The following GLIS3 variants were observed in gnomAD, a reference collection of about 807,000 sequenced individuals.
GLIS3 encodes the protein zinc finger protein GLIS3.
In GLIS3, 53 loss-of-function variants were observed where a neutral mutation model predicts 78.6. That is an observed-to-expected ratio of 0.67 (90% CI 0.54 to 0.85). GLIS3 has a LOEUF of 0.85. Among genes scored for constraint, GLIS3 ranks in the 40% least tolerant of loss-of-function variants. The pLI is 0.00. For synonymous variants in GLIS3, 684 were observed against 509.9 expected, an observed-to-expected ratio of 1.34 and a Z score of -4.60; for missense variants, 1,703 against 1,231.1, an observed-to-expected ratio of 1.38 and a Z score of -5.74.
chr9:4,344,974 T>C (rs763018124), intron 2 of GLIS3, among the ~76,000 whole-genome samples: 7 of 152,326 alleles, frequency 4.6e-5, no homozygotes, highest in Admixed American at 1.3e-4. Flanking sequence ...CTCATGTGAA[T>C]TATGGCATTA....
intron 2 of GLIS3, among the ~76,000 whole-genome samples, chr9:4,140,487 G>A (rs1360410030): frequency 6.6e-6 from 1 of 152,184 alleles, no homozygotes; most frequent in African/African-American, 2.4e-5. Context: ...ATGCCCAGAA[G>A]CCTCAGACCC....
the GLIS3 span, among the ~76,000 whole-genome samples, chr9:4,438,990 C>A: frequency 3.3e-5 from 5 of 152,034 alleles, no homozygotes; most frequent in African/African-American, 1.2e-4. Context: ...ACTGTTTGAC[C>A]AACTTTTAAG....
intron 6 of GLIS3, among the ~76,000 whole-genome samples, chr9:3,920,609 GTT>G (rs34014322): frequency 7.8e-6 from 1 of 127,814 alleles, no homozygotes. Flanking sequence ...AAAAGAACAG[GTT>G]TTTTTTTTTT....
rs1350101877 is a variant in GLIS3, at chr9:4,202,160, T to TTC, written c.389-76220_389-76219insGA. Among the ~76,000 whole-genome samples the TTC allele has an allele frequency of 2.0e-5, 3 of 147,436 alleles. No homozygotes were observed. In the East Asian group the frequency reaches 5.9e-4, roughly 29 times the overall value. ...TTTTTCTCCCCCTTTTTCTTTTTTTTTTTTTTTTGAGACGGAGTCTTGCTC... is the reference window on the plus strand; with the variant it reads ...TTTTTCTCCCCCTTTTTCTTTTTTTTTCTTTTTTTTGAGACGGAGTCTTGCTC... On this transcript the variant is annotated intron_variant, in intron 2 of 10. Transcript: ENST00000381971.
chr9:4,006,735 C>T (rs558866136), intron 4 of GLIS3, among the ~76,000 whole-genome samples: 40 of 152,306 alleles, frequency 2.6e-4, no homozygotes, highest in African/African-American at 7.5e-4. Context: ...TCCAAGCTGG[C>T]TTGTTCTAAA....
intron 2 of GLIS3, among the ~76,000 whole-genome samples, chr9:4,228,521 C>A (rs745317632): frequency 1.3e-5 from 2 of 152,202 alleles, no homozygotes; most frequent in Non-Finnish European, 2.9e-5. Flanking sequence ...ATTATAAAAT[C>A]TCATGTATTA....
chr9:4,456,798 G>A, the GLIS3 span, among the ~76,000 whole-genome samples: 6 of 152,180 alleles, frequency 3.9e-5, no homozygotes, highest in African/African-American at 1.2e-4. Flanking sequence ...AGGAACAGCT[G>A]ACCAGTTGAG....
At chr9:3,998,776 T>C (rs1820921856) in intron 4 of GLIS3, among the ~76,000 whole-genome samples, 1 of 148,532 alleles carries the variant, frequency 6.7e-6, no homozygotes, top group Non-Finnish European at 1.5e-5. Flanking sequence ...TAATATTAAA[T>C]ATTAATAATA....
intron 4 of GLIS3, among the ~76,000 whole-genome samples, chr9:3,991,509 C>G (rs779188294): frequency 1.3e-5 from 2 of 152,096 alleles, no homozygotes; most frequent in Non-Finnish European, 2.9e-5. Flanking sequence ...AAAAATTAAA[C>G]ACGTCTCGGA....
chr9:4,079,420 C>T (rs558470048), intron 4 of GLIS3, among the ~76,000 whole-genome samples: 2 of 152,016 alleles, frequency 1.3e-5, no homozygotes, highest in Non-Finnish European at 2.9e-5. Context: ...CAAGCCATAG[C>T]GAAGAAAGCA....
At chr9:4,202,883 A>C (rs981343790) in intron 2 of GLIS3, among the ~76,000 whole-genome samples, 4 of 152,236 alleles carry the variant, frequency 2.6e-5, no homozygotes, top group Non-Finnish European at 5.9e-5. Context: ...AAAAGCTAGG[A>C]AACACCATTC....
At chr9:4,385,401 C>T in the GLIS3 span, among the ~76,000 whole-genome samples, 216 of 152,316 alleles carry the variant, frequency 1.4e-3, no homozygotes, top group Non-Finnish European at 2.4e-3. Flanking sequence ...CAGTGGCTCA[C>T]GCCTATAATC....
Position 4,242,538 on chromosome 9 carries a change from C to A in GLIS3, c.388+43500G>T, listed in dbSNP as rs1823415500. Among the ~76,000 whole-genome samples, 2 of 152,162 alleles carry A rather than the reference C, an allele frequency of 1.3e-5. 1 individual carries two copies. The highest frequency in any genetic ancestry group is 1.3e-4 in the Admixed American group (2 of 15,272). Reference sequence around the variant, plus strand: ...GGCATGACCAATGCATACTATGGAACCACCCTGGCTGAGGGAGGTTGTCTC... The same window carrying A: ...GGCATGACCAATGCATACTATGGAAACACCCTGGCTGAGGGAGGTTGTCTC... On this transcript the variant is annotated intron_variant, in intron 2 of 10. Coordinates refer to ENST00000381971, the MANE Select transcript of GLIS3 (RefSeq NM_001042413.2).
chr9:4,449,571 G>T, the GLIS3 span, among the ~76,000 whole-genome samples: 1 of 152,134 alleles, frequency 6.6e-6, no homozygotes, highest in Non-Finnish European at 1.5e-5. Flanking sequence ...TCCCAGTAGG[G>T]GCCAATTGAT....
At chr9:3,981,336 T>A (rs1819264632) in intron 4 of GLIS3, among the ~76,000 whole-genome samples, 1 of 152,196 alleles carries the variant, frequency 6.6e-6, no homozygotes. Flanking sequence ...CAAAAGCTAT[T>A]TGTCAGAGAG....
At chr9:4,331,105 A>G (rs970623982) in intron 2 of GLIS3, among the ~76,000 whole-genome samples, 4 of 144,156 alleles carry the variant, frequency 2.8e-5, no homozygotes, top group East Asian at 2.0e-4. Flanking sequence ...AAACAACAGA[A>G]ATGTATTCTG....
the GLIS3 span, among the ~76,000 whole-genome samples, chr9:4,387,185 T>C: frequency 7.4e-4 from 113 of 152,352 alleles, no homozygotes; most frequent in African/African-American, 2.6e-3. Context: ...AAACCTGGAC[T>C]GTTCTAGAAT....
chr9:4,372,944 C>G, the GLIS3 span, among the ~76,000 whole-genome samples: 12 of 152,300 alleles, frequency 7.9e-5, no homozygotes, highest in African/African-American at 2.4e-4. Flanking sequence ...GCTGATATTT[C>G]TATCTACCTC....
chr9:4,269,481 A>G (rs141453695), intron 2 of GLIS3, among the ~76,000 whole-genome samples: 136 of 152,338 alleles, frequency 8.9e-4, no homozygotes, highest in African/African-American at 3.0e-3. Context: ...GTCCAACGTT[A>G]TATCAGTTAT....
Sources: gnomAD v4.1 joint callset for allele counts (sites outside exome capture counted in the v4.1 genomes callset) on GRCh38, gnomAD v4.1.1 for gene constraint, MANE v1.5 for transcripts, NCBI Gene and HGNC (gene_info 2026-07-23, HGNC 2026-07-21) for gene names.